CACNA1C: variants seen among roughly 807,000 people sequenced by gnomAD.
CACNA1C encodes the protein voltage-dependent L-type calcium channel subunit alpha-1C.
CACNA1C carries 30 observed loss-of-function variants against 229.0 expected under a neutral mutation model. The observed-to-expected ratio is 0.13, with a 90% CI of 0.10 to 0.18. The LOEUF (loss-of-function observed/expected upper bound fraction) is 0.18. Ranked by LOEUF, CACNA1C falls within the 10% of genes least tolerant of loss-of-function variation. CACNA1C has a pLI of 1.00. For missense variants in CACNA1C, 1,658 were observed against 2,845.0 expected, an observed-to-expected ratio of 0.58 and a Z score of 9.49; for synonymous variants, 1,114 against 1,132.5, an observed-to-expected ratio of 0.98 and a Z score of 0.33.
intron 3 of CACNA1C, among the ~76,000 whole-genome samples, chr12:2,222,627 T>A (rs1019362974): frequency 6.6e-6 from 1 of 152,246 alleles, no homozygotes; most frequent in Non-Finnish European, 1.5e-5. Flanking sequence ...TATGGTACCC[T>A]GTCGTGCCCT....
At position 2,453,079 on chromosome 12, in the gene CACNA1C, C is replaced by T. The variant is rs764974242; in HGVS notation, c.617+3964C>T. On this transcript the variant is annotated intron_variant, in intron 4 of 46. Coordinates refer to ENST00000399655, the MANE Select transcript of CACNA1C (RefSeq NM_000719.7). ...CTGGACAGGGTTCTCAAACTTCGTT[C>T]GGCTGCAGAACCCACTGTTGAGAGT... Among the ~76,000 whole-genome samples the T allele has an allele frequency of 7.9e-5, 12 of 152,244 alleles. No homozygotes were observed. In the South Asian group the frequency reaches 1.0e-3, roughly 13 times the overall value.
chr12:2,377,026 G>A (rs1243304615), intron 3 of CACNA1C, among the ~76,000 whole-genome samples: 1 of 152,198 alleles, frequency 6.6e-6, no homozygotes, highest in Non-Finnish European at 1.5e-5. Flanking sequence ...CCTCTGCGGG[G>A]GTGGAGCCAG....
rs1463827050 is a variant in CACNA1C at position 2,661,312 on chromosome 12, CACAA to C, written c.4233-3512_4233-3509del. Among the ~76,000 whole-genome samples the C allele has an allele frequency of 2.4e-3, 343 of 144,506 alleles. 2 individuals are homozygous for C. The highest frequency in any genetic ancestry group is 0.016 in the East Asian group (76 of 4,796). 94.8% of individuals were successfully genotyped at this position (144,506 alleles called of 152,430 possible). A position where few individuals can be genotyped will look rare whatever the true frequency, so the allele number is the denominator to read the frequency against. The stretch of plus-strand genomic sequence containing the variant: ...ACACACACACACACACACACACACA[CACAA>C]GATTTTTCTAAGAGTAGCAGACAAA... On this transcript the variant is annotated intron_variant, in intron 34 of 46. Coordinates refer to ENST00000399655, the MANE Select transcript of CACNA1C (RefSeq NM_000719.7).
At chr12:2,009,063 G>C (rs573003520) in intron 1 of CACNA1C, among the ~76,000 whole-genome samples, 22 of 152,196 alleles carry the variant, frequency 1.4e-4, no homozygotes, top group African/African-American at 4.8e-4. Context: ...TTCTGTTGGC[G>C]CCCAGAGTGC....
chr12:2,366,675 T>C (rs906371087), intron 3 of CACNA1C, among the ~76,000 whole-genome samples: 1 of 152,178 alleles, frequency 6.6e-6, no homozygotes. Flanking sequence ...GTCCCCAACC[T>C]TTTTGGCAGC....
chr12:2,309,141 T>C (rs547132170), intron 3 of CACNA1C, among the ~76,000 whole-genome samples: 2 of 152,342 alleles, frequency 1.3e-5, no homozygotes, highest in Non-Finnish European at 2.9e-5. Flanking sequence ...CTATATATAA[T>C]GGAATATTAT....
At position 2,585,351 on chromosome 12, in the gene CACNA1C, T is replaced by A; in HGVS notation, c.2340-25T>A. The A allele has an allele frequency of 6.2e-7, 1 of 1,605,436 alleles. No homozygotes were observed. The highest frequency in any genetic ancestry group is 1.1e-5 in the South Asian group (1 of 89,064). On this transcript the variant is annotated intron_variant, in intron 16 of 46. Coordinates refer to ENST00000399655, the MANE Select transcript of CACNA1C (RefSeq NM_000719.7). This position sits in a 1 kb window ranked among gnomAD's most constrained non-coding sequence, Gnocchi z 4.1. Reference sequence around the variant, plus strand: ...TATCACTCCAGTAAACAGCCATTTATTTTTTTCTGCTGCTGACTGGCCAGG... The same window carrying A: ...TATCACTCCAGTAAACAGCCATTTAATTTTTTCTGCTGCTGACTGGCCAGG...
At chr12:2,116,560 G>A (rs2083969282) in intron 2 of CACNA1C, among the ~76,000 whole-genome samples, 1 of 152,052 alleles carries the variant, frequency 6.6e-6, no homozygotes. Context: ...GTAGAAACGG[G>A]GTTTCACCGT....
At chr12:2,089,890 G>T (rs192076318) in intron 1 of CACNA1C, among the ~76,000 whole-genome samples, 1 of 151,988 alleles carries the variant, frequency 6.6e-6, no homozygotes, top group African/African-American at 2.4e-5. Flanking sequence ...TTAGCCGGGC[G>T]TGGTGGCAGG....
chr12:2,130,058 T>C (rs1351027069), intron 3 of CACNA1C, among the ~76,000 whole-genome samples: 7 of 152,164 alleles, frequency 4.6e-5, no homozygotes, highest in Admixed American at 2.6e-4. Context: ...AGTTTCTGTA[T>C]GATTGAAGTT....
chr12:2,655,598 T>A (rs914478728), intron 34 of CACNA1C, among the ~76,000 whole-genome samples: 2 of 152,204 alleles, frequency 1.3e-5, no homozygotes, highest in East Asian at 3.8e-4. Context: ...AGTTTTCTTG[T>A]CCAATAAGTA....
intron 29 of CACNA1C, among the ~76,000 whole-genome samples, chr12:2,624,267 G>A (rs974122433): frequency 4.6e-5 from 7 of 152,152 alleles, no homozygotes; most frequent in East Asian, 1.9e-4. Context: ...AGTGTTTAGC[G>A]GGTGGGACTG....
intron 3 of CACNA1C, among the ~76,000 whole-genome samples, chr12:2,226,068 C>T (rs1031989519): frequency 3.3e-5 from 5 of 150,880 alleles, no homozygotes; most frequent in African/African-American, 1.2e-4. Context: ...AAATTATTTC[C>T]TGTGACTTCT....
At chr12:2,182,840 T>C (rs1213433061) in intron 3 of CACNA1C, among the ~76,000 whole-genome samples, 1 of 152,126 alleles carries the variant, frequency 6.6e-6, no homozygotes, top group Non-Finnish European at 1.5e-5. Context: ...GGGGCGCGTG[T>C]GCAGACATCT....
At chr12:2,165,310 G>C (rs1391406966) in intron 3 of CACNA1C, among the ~76,000 whole-genome samples, 1 of 152,228 alleles carries the variant, frequency 6.6e-6, no homozygotes, top group Non-Finnish European at 1.5e-5. Flanking sequence ...TTCTTGAGGT[G>C]ATTTGCTAAG....
intron 3 of CACNA1C, among the ~76,000 whole-genome samples, chr12:2,187,390 G>A (rs1045255091): frequency 8.5e-5 from 13 of 152,154 alleles, no homozygotes; most frequent in Admixed American, 4.6e-4. Flanking sequence ...AATCAGCAAC[G>A]GCCAGGAAAT....
intron 34 of CACNA1C, among the ~76,000 whole-genome samples, chr12:2,662,597 G>C (rs1319704927): frequency 2.0e-5 from 3 of 152,210 alleles, no homozygotes; most frequent in Non-Finnish European, 4.4e-5. Flanking sequence ...ATTCTAATAA[G>C]ACTCCCAACA....
chr12:2,445,363 CT>C (rs1416528949), intron 3 of CACNA1C, among the ~76,000 whole-genome samples: 1 of 152,216 alleles, frequency 6.6e-6, no homozygotes, highest in Non-Finnish European at 1.5e-5. Context: ...GTTTCTGAGA[CT>C]TTTTCCTCAA....
chr12:2,126,871 G>A (rs1030797083), intron 3 of CACNA1C, among the ~76,000 whole-genome samples: 2 of 152,186 alleles, frequency 1.3e-5, no homozygotes, highest in Non-Finnish European at 1.5e-5. Context: ...TCTAAGCCAG[G>A]CTGAGGGCCC....
Sources: gnomAD v4.1 joint callset for allele counts (sites outside exome capture counted in the v4.1 genomes callset) on GRCh38, gnomAD v4.1.1 for gene constraint, Gnocchi (gnomAD v3.1) non-coding constraint, MANE v1.5 for transcripts, NCBI Gene and HGNC (gene_info 2026-07-23, HGNC 2026-07-21) for gene names.